Variants in KIF25 observed in about 807,000 individuals in gnomAD.
KIF25 encodes kinesin-like protein KIF25.
A neutral mutation model predicts 32.9 loss-of-function variants in KIF25; 19 were observed. The ratio of observed to expected loss-of-function variants is 0.58; its 90% CI spans 0.40 to 0.85. The LOEUF (loss-of-function observed/expected upper bound fraction) is 0.85. Among genes scored for constraint, KIF25 ranks in the 40% least tolerant of loss-of-function variants. KIF25 has a pLI of 0.00. For missense variants in KIF25, 485 were observed against 507.0 expected, an observed-to-expected ratio of 0.96 and a Z score of 0.42; for synonymous variants, 225 against 213.7, an observed-to-expected ratio of 1.05 and a Z score of -0.46.
intron 4 of KIF25, among the ~76,000 whole-genome samples, chr6:168,007,089 C>T (rs1169226501): frequency 6.6e-6 from 1 of 152,194 alleles, no homozygotes; most frequent in African/African-American, 2.4e-5. Context: ...TATATGATTA[C>T]CATCCATCTT....
At chr6:168,032,332 A>T (rs1798953515) in intron 7 of KIF25, among the ~76,000 whole-genome samples, 2 of 152,330 alleles carry the variant, frequency 1.3e-5, no homozygotes, top group South Asian at 4.1e-4. Context: ...TTCATTCTTA[A>T]ATGGTTGAAA....
chr6:168,039,116 TA>T (rs10717466), intron 9 of KIF25, among the ~76,000 whole-genome samples: 8,203 of 151,724 alleles, frequency 0.054, 794 homozygotes, highest in African/African-American at 0.19. Context: ...GAGATAAAAG[TA>T]AAAAAAACCA....
At chr6:168,004,144 G>T (rs944552392) in intron 4 of KIF25, among the ~76,000 whole-genome samples, 3 of 152,264 alleles carry the variant, frequency 2.0e-5, no homozygotes, top group African/African-American at 7.2e-5. Flanking sequence ...ACACCCCAGG[G>T]GTGTCTGAGT....
chr6:168,016,460 G>A (rs923141746), intron 4 of KIF25, among the ~76,000 whole-genome samples: 3 of 152,318 alleles, frequency 2.0e-5, no homozygotes, highest in South Asian at 2.1e-4. Flanking sequence ...TGCTCCTCCC[G>A]GCATTGCCAG....
rs200032863 is a variant in KIF25, at chr6:168,039,128, CA to C, written c.494+405del. 4.5e-3 allele frequency among the ~76,000 whole-genome samples: 688 copies of C among 151,964 alleles called. 3 individuals are homozygous for C. The highest frequency in any genetic ancestry group is 0.014 in the Middle Eastern group (4 of 294). ...TTAGAGATAAAAGTAAAAAAAACCA[CA>C]AAAAATATTTTTTACAATCAAAATT... On this transcript the variant is annotated intron_variant, in intron 9 of 12. Coordinates refer to ENST00000643607, the MANE Select transcript of KIF25 (RefSeq NM_030615.4).
intron 10 of KIF25, among the ~76,000 whole-genome samples, chr6:168,040,895 C>T (rs115289057): frequency 0.018 from 2,759 of 152,278 alleles, 90 homozygotes; most frequent in African/African-American, 0.063. Context: ...AGTTATGTAA[C>T]AGAAAGAACA....
chr6:168,024,778 C>T (rs1033682257), intron 5 of KIF25, among the ~76,000 whole-genome samples: 4 of 151,664 alleles, frequency 2.6e-5, no homozygotes, highest in South Asian at 2.1e-4. Flanking sequence ...TGGCTGGGCA[C>T]GGTGGCTCAC....
intron 4 of KIF25, among the ~76,000 whole-genome samples, chr6:168,013,216 C>T (rs1798670732): frequency 6.6e-6 from 1 of 151,752 alleles, no homozygotes; most frequent in Admixed American, 6.6e-5. Context: ...GGTGCCTCTC[C>T]TGCTTGGGGA....
chr6:168,021,511 A>G (rs1798787503), intron 5 of KIF25, among the ~76,000 whole-genome samples: 1 of 152,366 alleles, frequency 6.6e-6, no homozygotes, highest in African/African-American at 2.4e-5. Flanking sequence ...TTATATATAA[A>G]ATTTATAATT....
At chr6:168,024,420 TC>T (rs1206781587) in intron 5 of KIF25, among the ~76,000 whole-genome samples, 3 of 125,854 alleles carry the variant, frequency 2.4e-5, no homozygotes, top group East Asian at 2.7e-4. Flanking sequence ...TAAAAACCTC[TC>T]TCTTTTTTTT....
At chr6:168,025,816 A>C (rs1463117421) in intron 5 of KIF25, among the ~76,000 whole-genome samples, 4 of 152,186 alleles carry the variant, frequency 2.6e-5, no homozygotes, top group African/African-American at 9.7e-5. Flanking sequence ...TCCTTTCCCC[A>C]CGCGGCTTAC....
At chr6:168,021,634 T>C (rs75343469) in intron 5 of KIF25, among the ~76,000 whole-genome samples, 2,014 of 152,310 alleles carry the variant, frequency 0.013, 49 homozygotes, top group African/African-American at 0.046. Flanking sequence ...ATCTTCACAG[T>C]GTTTTTTGTC....
intron 4 of KIF25, among the ~76,000 whole-genome samples, chr6:168,011,289 G>A (rs1798644098): frequency 6.6e-6 from 1 of 152,080 alleles, no homozygotes; most frequent in South Asian, 2.1e-4. Context: ...CTATACAAGT[G>A]ACTTTTATAG....
At chr6:168,021,366 A>G (rs950122155) in intron 5 of KIF25, among the ~76,000 whole-genome samples, 4 of 152,038 alleles carry the variant, frequency 2.6e-5, no homozygotes, top group Non-Finnish European at 5.9e-5. Context: ...CTGCCTCCCC[A>G]GCTTCCGCTG....
chr6:168,007,132 T>C (rs544811966), intron 4 of KIF25, among the ~76,000 whole-genome samples: 1 of 152,330 alleles, frequency 6.6e-6, no homozygotes, highest in Admixed American at 6.5e-5. Context: ...GTTTTACAAC[T>C]GAGCATGGTG....
Position 168,044,312 on chromosome 6 carries a change from G to A in KIF25, c.986-515G>A, listed in dbSNP as rs188137337. 8.1e-5 allele frequency among the ~76,000 whole-genome samples: 11 copies of A among 136,444 alleles called. No homozygotes were observed. In the East Asian group the frequency reaches 9.5e-4, roughly 12 times the overall value. 89.5% of individuals were successfully genotyped at this position (136,444 alleles called of 152,430 possible). On this transcript the variant is annotated intron_variant, in intron 12 of 12. Coordinates refer to ENST00000643607, the MANE Select transcript of KIF25 (RefSeq NM_030615.4). ...ACCCAGGTGAGGGATGCTAGTGACC[G>A]GCTGCTGACCCTCCCGGAGGGTGAG...
Position 168,029,687 on chromosome 6 carries a change from A to G in KIF25, c.92+10A>G, listed in dbSNP as rs779197788. On this transcript the variant is annotated intron_variant, in intron 6 of 12. Transcript: ENST00000643607. ...ATGACAAGGACCTCAGGTCAGCTTCAGCGTGAGAAGCAGGCCAGGCCTGGG... is the reference window on the plus strand; with the variant it reads ...ATGACAAGGACCTCAGGTCAGCTTCGGCGTGAGAAGCAGGCCAGGCCTGGG... 6.2e-7 allele frequency: 1 copy of G among 1,601,378 alleles called. No homozygotes were observed. Among genetic ancestry groups the G allele is most frequent in the Non-Finnish European group, 8.5e-7 (1 of 1,174,588 alleles).
intron 5 of KIF25, among the ~76,000 whole-genome samples, chr6:168,025,629 G>T (rs781476288): frequency 1.3e-5 from 2 of 152,126 alleles, no homozygotes; most frequent in African/African-American, 2.4e-5. Flanking sequence ...AGTAAACAGC[G>T]CCAGCTTAAG....
At chr6:168,032,397 GA>G (rs1427118662) in intron 7 of KIF25, among the ~76,000 whole-genome samples, 1 of 152,222 alleles carries the variant, frequency 6.6e-6, no homozygotes, top group East Asian at 1.9e-4. Flanking sequence ...TCCACACAAA[GA>G]AATGCATGTA....
Sources: allele counts gnomAD v4.1 joint callset (sites outside exome capture counted in the v4.1 genomes callset), GRCh38; gene constraint gnomAD v4.1.1; transcripts MANE v1.5; gene names NCBI Gene and HGNC (gene_info 2026-07-23, HGNC 2026-07-21).